Variants in UCN3 observed in about 807,000 individuals in gnomAD.
UCN3 encodes urocortin 3, also known as urocortin-3.
A neutral mutation model predicts 3.6 loss-of-function variants in UCN3; 3 were observed. That is an observed-to-expected ratio of 0.83 (90% CI 0.38 to 2.15). The LOEUF (loss-of-function observed/expected upper bound fraction) is 2.15. Among genes scored for constraint, UCN3 ranks in the 30% most tolerant of loss-of-function variants. The probability of loss-of-function intolerance (pLI) is 0.06; values close to 1 mark genes in which losing one functional copy is unlikely to be tolerated. For synonymous variants in UCN3, 100 were observed against 93.2 expected, an observed-to-expected ratio of 1.07 and a Z score of -0.42; for missense variants, 206 against 208.3, an observed-to-expected ratio of 0.99 and a Z score of 0.07.
rs1831474913 is a variant in UCN3, at chr10:5,374,283, A to AGGGC, written c.*80_*81insCGGG. On this transcript the variant is annotated 3_prime_UTR_variant, in exon 2 of 2. Transcript: ENST00000380433. ...GAGGGGAGGGCGAGGGGGGGAGGGG[A>AGGGC]GGGGGAGGGTGCTGTCTGCTGGTTT... The AGGGC allele has an allele frequency of 2.0e-5, 1 of 48,912 alleles. No individual in the cohort carries two copies. Among genetic ancestry groups the AGGGC allele is most frequent in the African/African-American group, 1.5e-4 (1 of 6,472 alleles). The allele number at this position is 48,912 out of a possible 1,614,324, so 3.0% of individuals were successfully genotyped here.
chr10:5,370,859 G>GCGTGTGTA (rs1564443683), intron 1 of UCN3, among the ~76,000 whole-genome samples: 7 of 113,520 alleles, frequency 6.2e-5, no homozygotes, highest in African/African-American at 1.5e-4. Flanking sequence ...GCGCGTGTGT[G>GCGTGTGTA]TGCGTGTGTA....
At chr10:5,369,862 G>GGTGTGTGTGT (rs1348226825) in intron 1 of UCN3, among the ~76,000 whole-genome samples, 1 of 99,520 alleles carries the variant, frequency 1.0e-5, no homozygotes, top group African/African-American at 3.8e-5. Context: ...TATCCACGTG[G>GGTGTGTGTGT]GTGTGTGTGT....
At chr10:5,370,853 G>GTATA (rs1831404869) in intron 1 of UCN3, among the ~76,000 whole-genome samples, 2 of 73,216 alleles carry the variant, frequency 2.7e-5, no homozygotes, top group Non-Finnish European at 5.3e-5. Context: ...GTGTGTGCGC[G>GTATA]TGTGTGTGCG....
rs540765816 is a variant in UCN3, at chr10:5,372,352, C to T, written c.-6-1363C>T. ...CTGATGCTGCTACTGTGAAGGAGCC[C>T]GGCGGGAGGGTGCAGGTGGCTCAGC... On this transcript the variant is annotated intron_variant, in intron 1 of 1. Coordinates refer to ENST00000380433, the MANE Select transcript of UCN3 (RefSeq NM_053049.4). 1.6e-4 allele frequency among the ~76,000 whole-genome samples: 24 copies of T among 152,220 alleles called. No homozygotes were observed. In the South Asian group the frequency reaches 2.5e-3, roughly 16 times the overall value.
intron 1 of UCN3, among the ~76,000 whole-genome samples, chr10:5,370,521 GTA>G (rs1298568382): frequency 6.1e-5 from 6 of 97,762 alleles, no homozygotes; most frequent in Admixed American, 3.4e-4. Context: ...ATATGTGTGT[GTA>G]TGTGTGTGTG....
At chr10:5,370,233 G>GTGTGTGTA (rs1831349332) in intron 1 of UCN3, among the ~76,000 whole-genome samples, 1 of 6,720 alleles carries the variant, frequency 1.5e-4, no homozygotes, top group Non-Finnish European at 2.7e-4. Context: ...GTGCGTGTGT[G>GTGTGTGTA]TATGCGTGTG....
intron 1 of UCN3, among the ~76,000 whole-genome samples, chr10:5,372,417 C>G (rs1048209195): frequency 2.0e-5 from 3 of 152,334 alleles, no homozygotes; most frequent in Admixed American, 1.3e-4. Flanking sequence ...AGTTTGATGT[C>G]TTGTTTGACA....
chr10:5,369,726 A>G (rs1189224013), intron 1 of UCN3, among the ~76,000 whole-genome samples: 1 of 152,268 alleles, frequency 6.6e-6, no homozygotes, highest in Non-Finnish European at 1.5e-5. Flanking sequence ...TGCAAAATAA[A>G]TGGAACAAAC....
chr10:5,369,995 A>G lies in UCN3; in HGVS notation c.-6-3720A>G, dbSNP rs797029298. Among the ~76,000 whole-genome samples, 211 of 31,492 alleles carry G rather than the reference A, an allele frequency of 6.7e-3. 1 individual carries two copies. Among genetic ancestry groups the G allele is most frequent in the South Asian group, 8.0e-3 (6 of 748 alleles). The allele number at this position is 31,492 out of a possible 152,430, so 20.7% of individuals were successfully genotyped here. On this transcript the variant is annotated intron_variant, in intron 1 of 1. Transcript: ENST00000380433. Reference sequence around the variant, plus strand: ...TGTATATGCGTGTGTATATGTGTGTATGTGTGTGTGTATGTGTGTGTATAT... The same window carrying G: ...TGTATATGCGTGTGTATATGTGTGTGTGTGTGTGTGTATGTGTGTGTATAT...
rs1225270807 is a variant in UCN3 at position 5,370,683 on chromosome 10, GTGTA to G, written c.-6-3028_-6-3025del. Among the ~76,000 whole-genome samples the G allele has an allele frequency of 8.2e-5, 8 of 97,350 alleles. 1 individual carries two copies. The highest frequency in any genetic ancestry group is 3.5e-4 in the Admixed American group (3 of 8,646). 63.9% of individuals were successfully genotyped at this position (97,350 alleles called of 152,430 possible). On this transcript the variant is annotated intron_variant, in intron 1 of 1. Coordinates refer to ENST00000380433, the MANE Select transcript of UCN3 (RefSeq NM_053049.4). The stretch of plus-strand genomic sequence containing the variant: ...TGTGTGTATGTGTGTGTATGTGTGT[GTGTA>G]TGTGTGTATATGTGTGTGTATATGA...
chr10:5,370,754 TGTGTGTATATG>T (rs1564443476), intron 1 of UCN3, among the ~76,000 whole-genome samples: 1 of 122,930 alleles, frequency 8.1e-6, no homozygotes, highest in East Asian at 3.1e-4. Context: ...GTATATGATG[TGTGTGTATATG>T]CGTGTGTATA....
intron 1 of UCN3, 122 bp from the exon 2 acceptor site, chr10:5,373,593 G>A (rs1554811722): frequency 2.8e-6 from 4 of 1,451,814 alleles, no homozygotes; most frequent in Admixed American, 2.3e-5. Flanking sequence ...CTGGTCTGGG[G>A]GTCATACTTG....
rs1267254282 is a variant in UCN3 at position 5,371,096 on chromosome 10, GGTT to G, written c.-6-2616_-6-2614del. On this transcript the variant is annotated intron_variant, in intron 1 of 1. Coordinates refer to ENST00000380433, the MANE Select transcript of UCN3 (RefSeq NM_053049.4). ...GGTGTGTATGTGTGTGCATGTGTAT[GGTT>G]GTGTGTATGCATGTACATGTGAGGT... Among the ~76,000 whole-genome samples, 5 of 150,528 alleles carry G rather than the reference GGTT, an allele frequency of 3.3e-5. No individual in the cohort carries two copies. The East Asian group carries it at 5.8e-4, about 18-fold the overall frequency.
intron 1 of UCN3, among the ~76,000 whole-genome samples, chr10:5,370,204 CGT>C (rs1564442520): frequency 1.8e-4 from 1 of 5,458 alleles, no homozygotes; most frequent in Non-Finnish European, 3.0e-4. Context: ...TGTGTATATG[CGT>C]GTGTATGTGT....
chr10:5,371,304 T>C (rs911784818), intron 1 of UCN3, among the ~76,000 whole-genome samples: 8 of 150,398 alleles, frequency 5.3e-5, no homozygotes, highest in African/African-American at 2.0e-4. Flanking sequence ...CATGTGTCTA[T>C]ATGTATGTGT....
At chr10:5,369,101 G>A (rs1312728766) in intron 1 of UCN3, among the ~76,000 whole-genome samples, 1 of 152,196 alleles carries the variant, frequency 6.6e-6, no homozygotes, top group East Asian at 1.9e-4. Flanking sequence ...GTTGAGAACC[G>A]CTTACTTAGA....
rs575479091 is a variant in UCN3 at position 5,367,142 on chromosome 10, G to A, written c.-7+1912G>A. On this transcript the variant is annotated intron_variant, in intron 1 of 1. Coordinates refer to ENST00000380433, the MANE Select transcript of UCN3 (RefSeq NM_053049.4). This position sits in a 1 kb window ranked among gnomAD's most constrained non-coding sequence, Gnocchi z 4.3. ...TGCTTTTGTAACTGAGATGAGACAGGTAGCACTTCCAGGGAACACATCCAG... is the reference window on the plus strand; with the variant it reads ...TGCTTTTGTAACTGAGATGAGACAGATAGCACTTCCAGGGAACACATCCAG... 1.3e-5 allele frequency among the ~76,000 whole-genome samples: 2 copies of A among 152,182 alleles called. No individual in the cohort carries two copies. Among genetic ancestry groups the A allele is most frequent in the Non-Finnish European group, 2.9e-5 (2 of 68,028 alleles).
chr10:5,368,850 C>T (rs7088971), intron 1 of UCN3, among the ~76,000 whole-genome samples: 96,640 of 151,956 alleles, frequency 0.64, 31,366 homozygotes, highest in African/African-American at 0.77. Context: ...TCCACAGGGA[C>T]GGTTAGTGCA....
At chr10:5,370,339 A>G (rs1307190422) in intron 1 of UCN3, among the ~76,000 whole-genome samples, 4 of 61,270 alleles carry the variant, frequency 6.5e-5, no homozygotes, top group African/African-American at 1.1e-4. Context: ...GCGTGTGTAT[A>G]TGCGTGTGTA....
Sources: gnomAD v4.1 joint callset for allele counts (sites outside exome capture counted in the v4.1 genomes callset) on GRCh38, gnomAD v4.1.1 for gene constraint, Gnocchi (gnomAD v3.1) non-coding constraint, MANE v1.5 for transcripts, NCBI Gene and HGNC (gene_info 2026-07-23, HGNC 2026-07-21) for gene names.